FRK: variants seen among roughly 807,000 people sequenced by gnomAD.
The protein encoded by FRK is tyrosine-protein kinase FRK.
In FRK, 51 loss-of-function variants were observed where a neutral mutation model predicts 56.4. That is an observed-to-expected ratio of 0.90 (90% CI 0.72 to 1.14). The LOEUF (loss-of-function observed/expected upper bound fraction) is 1.14. Among genes scored for constraint, FRK ranks in the 50% most tolerant of loss-of-function variants. The pLI, the probability that FRK is intolerant of heterozygous loss-of-function variation, is 0.00. For synonymous variants in FRK, 245 were observed against 217.9 expected (o/e 1.12, Z -1.10); for missense variants, 570 against 601.4 (o/e 0.95, Z 0.55).
At chr6:115,997,078 T>A (rs1328001994) in intron 2 of FRK, among the ~76,000 whole-genome samples, 1 of 152,204 alleles carries the variant, frequency 6.6e-6, no homozygotes, top group Non-Finnish European at 1.5e-5. Context: ...CTTCCAAGTA[T>A]CAAAGCTGCC....
chr6:116,043,111 G>A (rs1776792863), intron 1 of FRK, among the ~76,000 whole-genome samples: 1 of 152,182 alleles, frequency 6.6e-6, no homozygotes, highest in South Asian at 2.1e-4. Flanking sequence ...CCTACAAACA[G>A]ACTTAGACTC....
intron 1 of FRK, among the ~76,000 whole-genome samples, chr6:116,009,847 T>C (rs1775395651): frequency 6.6e-6 from 1 of 152,178 alleles, no homozygotes; most frequent in Admixed American, 6.5e-5. Context: ...GACATTGTTG[T>C]ATAAAATGTG....
intron 1 of FRK, among the ~76,000 whole-genome samples, chr6:116,026,542 AGAAGGAAGGAAGGAAGGAAG>A (rs10584062): frequency 3.5e-4 from 48 of 138,380 alleles, no homozygotes; most frequent in African/African-American, 1.3e-3. Context: ...AAGGGAGGAA[AGAAGGAAGGAAGGAAGGAAG>A]GAAGGAAGGA....
upstream of FRK, among the ~76,000 whole-genome samples, chr6:116,064,311 G>A (rs1438583979): frequency 1.3e-5 from 2 of 152,154 alleles, no homozygotes; most frequent in African/African-American, 4.8e-5. Context: ...TTGGTTTGTG[G>A]TTGAGCCCCT....
intron 3 of FRK, 79 bp from the exon 4 acceptor site, chr6:115,967,798 A>C (rs919652128): frequency 1.8e-6 from 2 of 1,134,106 alleles, no homozygotes; most frequent in Non-Finnish European, 2.4e-6. Context: ...ATAATAGTCT[A>C]GGTACTTTTA....
At chr6:116,100,386 A>T in the FRK span, among the ~76,000 whole-genome samples, 202 of 152,368 alleles carry the variant, frequency 1.3e-3, 1 homozygote, top group Non-Finnish European at 2.2e-3. Context: ...ACGTGGGTGA[A>T]AAGACCTTCC....
chr6:116,013,208 T>C (rs1410164053), intron 1 of FRK, among the ~76,000 whole-genome samples: 3 of 152,160 alleles, frequency 2.0e-5, no homozygotes, highest in Non-Finnish European at 4.4e-5. Flanking sequence ...CTTGTTATAG[T>C]CTGAATCCAC....
intron 2 of FRK, among the ~76,000 whole-genome samples, chr6:115,980,931 ATC>A (rs1200794226): frequency 6.6e-6 from 1 of 152,102 alleles, no homozygotes; most frequent in Non-Finnish European, 1.5e-5. Flanking sequence ...CATGATCTAT[ATC>A]TCTGTTCTTT....
At chr6:116,041,562 T>C (rs1004609420) in intron 1 of FRK, among the ~76,000 whole-genome samples, 12 of 152,218 alleles carry the variant, frequency 7.9e-5, no homozygotes, top group African/African-American at 1.9e-4. Context: ...GATCATCTCA[T>C]TGGGACTGTT....
the FRK span, among the ~76,000 whole-genome samples, chr6:116,100,697 T>C: frequency 6.6e-6 from 1 of 152,122 alleles, no homozygotes; most frequent in Non-Finnish European, 1.5e-5. Flanking sequence ...GGACGCGAGC[T>C]GACTACCTGA....
At chr6:116,043,292 C>T (rs1027783108) in intron 1 of FRK, among the ~76,000 whole-genome samples, 9 of 152,218 alleles carry the variant, frequency 5.9e-5, no homozygotes, top group Non-Finnish European at 1.2e-4. Context: ...ACATTCTTCT[C>T]AGCACCACAT....
At chr6:116,084,473 T>C in the FRK span, among the ~76,000 whole-genome samples, 1 of 152,170 alleles carries the variant, frequency 6.6e-6, no homozygotes, top group African/African-American at 2.4e-5. Context: ...GTCTGGCAGA[T>C]CAGTGATTAC....
intron 1 of FRK, among the ~76,000 whole-genome samples, chr6:116,052,466 T>A (rs1777216038): frequency 6.6e-6 from 1 of 152,166 alleles, no homozygotes; most frequent in African/African-American, 2.4e-5. Flanking sequence ...AATCAGTGCT[T>A]ATTATTCACA....
the FRK span, among the ~76,000 whole-genome samples, chr6:116,097,711 A>C: frequency 6.6e-6 from 1 of 152,208 alleles, no homozygotes; most frequent in South Asian, 2.1e-4. Flanking sequence ...AATATTTCTA[A>C]ATTATTACAT....
At chr6:116,091,270 G>C in the FRK span, among the ~76,000 whole-genome samples, 1 of 152,182 alleles carries the variant, frequency 6.6e-6, no homozygotes, top group Admixed American at 6.5e-5. Context: ...CTAGCTAAAG[G>C]ATTGTAAATG....
chr6:116,033,468 C>T (rs973154671), intron 1 of FRK, among the ~76,000 whole-genome samples: 34 of 152,044 alleles, frequency 2.2e-4, no homozygotes, highest in African/African-American at 8.2e-4. Context: ...CTAATTGAGC[C>T]AGTTATTTTT....
chr6:115,985,309 C>CT (rs945350845), intron 2 of FRK, among the ~76,000 whole-genome samples: 2 of 152,118 alleles, frequency 1.3e-5, no homozygotes, highest in African/African-American at 4.8e-5. Flanking sequence ...TGGGTGGTTA[C>CT]TTTTCCTTTC....
intron 1 of FRK, among the ~76,000 whole-genome samples, chr6:116,012,200 G>A (rs1775498524): frequency 6.6e-6 from 1 of 152,022 alleles, no homozygotes; most frequent in South Asian, 2.1e-4. Context: ...TCTCCCCCTT[G>A]CTCACACCAC....
At chr6:116,026,564 A>C (rs1430663208) in intron 1 of FRK, among the ~76,000 whole-genome samples, 1 of 150,590 alleles carries the variant, frequency 6.6e-6, no homozygotes, top group Non-Finnish European at 1.5e-5. Context: ...GGAAGGAAGG[A>C]AGGAAGGAAG....
Sources: allele counts gnomAD v4.1 joint callset (sites outside exome capture counted in the v4.1 genomes callset), GRCh38; gene constraint gnomAD v4.1.1; transcripts MANE v1.5; gene names NCBI Gene and HGNC (gene_info 2026-07-23, HGNC 2026-07-21).